Variants in CNTN1 observed in about 807,000 individuals in gnomAD.
CNTN1 encodes the protein contactin 1.
A neutral mutation model predicts 126.4 loss-of-function variants in CNTN1; 38 were observed. The ratio of observed to expected loss-of-function variants is 0.30; its 90% CI spans 0.23 to 0.39. CNTN1 has a LOEUF of 0.39. Among genes scored for constraint, CNTN1 ranks in the 10% least tolerant of loss-of-function variants. The pLI, the probability that CNTN1 is intolerant of heterozygous loss-of-function variation, is 1.00. For synonymous variants in CNTN1, 413 were observed against 422.6 expected (o/e 0.98, Z 0.28); for missense variants, 1,009 against 1,248.4 (o/e 0.81, Z 2.89).
intron 23 of CNTN1, among the ~76,000 whole-genome samples, chr12:41,052,867 A>C (rs1055942006): frequency 6.6e-6 from 1 of 152,058 alleles, no homozygotes; most frequent in Non-Finnish European, 1.5e-5. Flanking sequence ...TAAGCCAAAA[A>C]GAATTCTTGA....
intron 1 of CNTN1, among the ~76,000 whole-genome samples, chr12:40,887,005 G>A (rs1243698689): frequency 6.6e-6 from 1 of 152,182 alleles, no homozygotes; most frequent in African/African-American, 2.4e-5. Context: ...GTAGCGTGAT[G>A]CCTCTGGCTT....
At chr12:40,872,955 C>T (rs1010199530) in intron 1 of CNTN1, among the ~76,000 whole-genome samples, 2 of 152,080 alleles carry the variant, frequency 1.3e-5, no homozygotes, top group African/African-American at 4.8e-5. Context: ...AATGCATAAA[C>T]TTAGGTTGAG....
At chr12:40,754,562 C>T (rs1012951423) in intron 1 of CNTN1, among the ~76,000 whole-genome samples, 14 of 151,660 alleles carry the variant, frequency 9.2e-5, no homozygotes, top group Admixed American at 3.9e-4. Context: ...ATGTGGAAAG[C>T]GCATATACAG....
chr12:40,782,614 A>C (rs1334166836), intron 1 of CNTN1, among the ~76,000 whole-genome samples: 1 of 151,982 alleles, frequency 6.6e-6, no homozygotes, highest in Non-Finnish European at 1.5e-5. Context: ...AATTGGAATG[A>C]TGCATATTTG....
intron 1 of CNTN1, among the ~76,000 whole-genome samples, chr12:40,732,477 T>C (rs1942524543): frequency 6.6e-6 from 1 of 152,040 alleles, no homozygotes; most frequent in African/African-American, 2.4e-5. Flanking sequence ...AAATGAAATA[T>C]TTGAAGATGT....
chr12:40,969,562 A>G (rs1388861190), intron 15 of CNTN1, among the ~76,000 whole-genome samples: 1 of 152,198 alleles, frequency 6.6e-6, no homozygotes, highest in Non-Finnish European at 1.5e-5. Flanking sequence ...CTATACTCTC[A>G]TAACTGATTG....
chr12:41,012,080 TG>T (rs1045604396), intron 17 of CNTN1, among the ~76,000 whole-genome samples: 51 of 152,060 alleles, frequency 3.4e-4, no homozygotes, highest in African/African-American at 1.2e-3. Context: ...CTAGAGTGCT[TG>T]GGTAAAGGAG....
intron 12 of CNTN1, among the ~76,000 whole-genome samples, chr12:40,942,308 G>A (rs944894174): frequency 7.9e-5 from 12 of 152,142 alleles, no homozygotes; most frequent in African/African-American, 1.7e-4. Context: ...GGAAAATAGA[G>A]AGGAAGCTGG....
intron 1 of CNTN1, among the ~76,000 whole-genome samples, chr12:40,841,532 AACAC>A (rs556934712): frequency 3.5e-4 from 53 of 152,188 alleles, no homozygotes; most frequent in African/African-American, 1.2e-3. Flanking sequence ...TCTGCAACAA[AACAC>A]TAGCAAAATA....
At position 40,955,910 on chromosome 12, in the gene CNTN1, T is replaced by A. The variant is rs1420222116; in HGVS notation, c.1684-3204T>A. Among the ~76,000 whole-genome samples the A allele has an allele frequency of 2.0e-5, 3 of 152,046 alleles. No individual in the cohort carries two copies. The East Asian group carries it at 5.8e-4, about 29-fold the overall frequency. Reference sequence around the variant, plus strand: ...CAATCCAGGCAATGCAAGTGATATATGCAAAGTTTTGACGTGAGAACACAT... The same window carrying A: ...CAATCCAGGCAATGCAAGTGATATAAGCAAAGTTTTGACGTGAGAACACAT... On this transcript the variant is annotated intron_variant, in intron 14 of 23. Coordinates refer to ENST00000551295, the MANE Select transcript of CNTN1 (RefSeq NM_001843.4).
At chr12:41,009,472 A>G (rs565258138) in intron 17 of CNTN1, among the ~76,000 whole-genome samples, 1 of 152,286 alleles carries the variant, frequency 6.6e-6, no homozygotes, top group African/African-American at 2.4e-5. Context: ...CAGGTAACCC[A>G]CTGGCTGTTG....
chr12:40,844,589 C>G (rs961495565), intron 1 of CNTN1, among the ~76,000 whole-genome samples: 3 of 152,092 alleles, frequency 2.0e-5, no homozygotes, highest in South Asian at 2.1e-4. Context: ...ATTTCCCTCT[C>G]TAATCCTTCA....
chr12:40,830,950 TATATATATATATAC>T (rs1203259785), intron 1 of CNTN1, among the ~76,000 whole-genome samples: 4 of 123,084 alleles, frequency 3.2e-5, no homozygotes, highest in Admixed American at 1.7e-4. Flanking sequence ...TATATATATA[TATATATATATATAC>T]ACACACACAC....
chr12:40,830,359 G>C (rs1160484117), intron 1 of CNTN1, among the ~76,000 whole-genome samples: 1 of 151,908 alleles, frequency 6.6e-6, no homozygotes, highest in Admixed American at 6.6e-5. Context: ...TTTAGATAGT[G>C]ATTATTATGG....
At chr12:41,057,034 T>C (rs1949832668) in intron 23 of CNTN1, among the ~76,000 whole-genome samples, 1 of 68,506 alleles carries the variant, frequency 1.5e-5, no homozygotes, top group African/African-American at 6.5e-5. Flanking sequence ...TTTATAAATA[T>C]TATAAATATT....
intron 1 of CNTN1, among the ~76,000 whole-genome samples, chr12:40,800,570 G>T (rs113148771): frequency 0.013 from 2,030 of 152,022 alleles, 38 homozygotes; most frequent in African/African-American, 0.045. Context: ...GACAACTGAG[G>T]TTTTCTCACT....
intron 23 of CNTN1, among the ~76,000 whole-genome samples, chr12:41,039,558 A>G (rs1253293076): frequency 3.9e-5 from 6 of 152,210 alleles, no homozygotes; most frequent in African/African-American, 1.2e-4. Flanking sequence ...GCTGAGTTCA[A>G]TATGCTAGTT....
intron 18 of CNTN1, 149 bp downstream of exon 18, chr12:41,014,447 T>C (rs1427785839): frequency 1.3e-6 from 1 of 791,948 alleles, no homozygotes; most frequent in Non-Finnish European, 2.1e-6. Flanking sequence ...TAAATGCAAA[T>C]CAGATTTTAT....
At chr12:40,762,003 T>C (rs938746418) in intron 1 of CNTN1, among the ~76,000 whole-genome samples, 6 of 152,180 alleles carry the variant, frequency 3.9e-5, no homozygotes, top group Non-Finnish European at 7.4e-5. Context: ...ACTTCTACAA[T>C]ACACATTGAC....
Sources: gnomAD v4.1 joint callset for allele counts (sites outside exome capture counted in the v4.1 genomes callset) on GRCh38, gnomAD v4.1.1 for gene constraint, MANE v1.5 for transcripts, NCBI Gene and HGNC (gene_info 2026-07-23, HGNC 2026-07-21) for gene names.